Variants in SKAP1 observed in about 807,000 individuals in gnomAD.
SKAP1 encodes the protein src kinase-associated phosphoprotein 1.
SKAP1 carries 44 observed loss-of-function variants against 58.5 expected under a neutral mutation model. That is an observed-to-expected ratio of 0.75 (90% CI 0.59 to 0.97). The LOEUF is 0.97. Among genes scored for constraint, SKAP1 ranks in the 50% least tolerant of loss-of-function variants. The probability of loss-of-function intolerance (pLI) is 0.00; values close to 1 mark genes in which losing one functional copy is unlikely to be tolerated. For synonymous variants in SKAP1, 127 were observed against 149.7 expected (o/e 0.85, Z 1.11); for missense variants, 390 against 435.2 (o/e 0.90, Z 0.92).
At chr17:48,344,836 A>G (rs2066701487) in intron 4 of SKAP1, among the ~76,000 whole-genome samples, 1 of 152,232 alleles carries the variant, frequency 6.6e-6, no homozygotes, top group African/African-American at 2.4e-5. Context: ...ATGAATTGTC[A>G]AAAGGGCTAA....
At chr17:48,405,788 G>A (rs944958972) in intron 1 of SKAP1, among the ~76,000 whole-genome samples, 6 of 151,466 alleles carry the variant, frequency 4.0e-5, no homozygotes, top group African/African-American at 1.2e-4. Flanking sequence ...GTGAGCCACC[G>A]TGCCTGGCCC....
chr17:48,148,764 G>T (rs1188672223), intron 11 of SKAP1, among the ~76,000 whole-genome samples: 1 of 152,024 alleles, frequency 6.6e-6, no homozygotes, highest in Admixed American at 6.6e-5. Flanking sequence ...GGCGCAGGCC[G>T]GGAGATTTTT....
chr17:48,404,461 C>T (rs1047679190), intron 1 of SKAP1, among the ~76,000 whole-genome samples: 1 of 151,684 alleles, frequency 6.6e-6, no homozygotes, highest in East Asian at 1.9e-4. Flanking sequence ...GAAACAAAAC[C>T]AAAACAAAAA....
intron 2 of SKAP1, among the ~76,000 whole-genome samples, chr17:48,364,630 G>A (rs576343787): frequency 3.9e-5 from 6 of 152,178 alleles, no homozygotes; most frequent in South Asian, 2.1e-4. Flanking sequence ...AGCTAAGATC[G>A]CGCCATTGCA....
chr17:48,324,067 C>A (rs140166700), intron 4 of SKAP1, among the ~76,000 whole-genome samples: 7 of 151,980 alleles, frequency 4.6e-5, no homozygotes, highest in Non-Finnish European at 1.0e-4. Context: ...AACCAATGAC[C>A]TTTCATTTTA....
At chr17:48,412,756 A>T (rs1283019038) in intron 1 of SKAP1, among the ~76,000 whole-genome samples, 1 of 152,220 alleles carries the variant, frequency 6.6e-6, no homozygotes, top group African/African-American at 2.4e-5. Context: ...ATAGTTGTGC[A>T]TACTAAAATT....
intron 1 of SKAP1, among the ~76,000 whole-genome samples, chr17:48,429,164 A>G (rs1333217467): frequency 6.6e-6 from 1 of 152,228 alleles, no homozygotes; most frequent in African/African-American, 2.4e-5. Flanking sequence ...TTAGATGCCA[A>G]AAGGCTTAAT....
chr17:48,154,693 T>C (rs1457159804), intron 11 of SKAP1, among the ~76,000 whole-genome samples: 1 of 152,138 alleles, frequency 6.6e-6, no homozygotes, highest in African/African-American at 2.4e-5. Flanking sequence ...TTTGTCCTTA[T>C]CTTCTGAACA....
chr17:48,379,973 T>C (rs1431191284), intron 2 of SKAP1, among the ~76,000 whole-genome samples: 2 of 152,142 alleles, frequency 1.3e-5, no homozygotes, highest in Non-Finnish European at 1.5e-5. Context: ...TGAGCCACCG[T>C]GCCCGGCCTA....
At chr17:48,440,435 C>T in the SKAP1 span, among the ~76,000 whole-genome samples, 8,545 of 152,230 alleles carry the variant, frequency 0.056, 329 homozygotes, top group Non-Finnish European at 0.085. Flanking sequence ...GGCATCCTTG[C>T]GCAGTGTCCT....
intron 1 of SKAP1, among the ~76,000 whole-genome samples, chr17:48,423,989 G>T (rs1346150606): frequency 6.6e-6 from 1 of 151,338 alleles, no homozygotes; most frequent in Non-Finnish European, 1.5e-5. Flanking sequence ...TAACTTGAAG[G>T]CAAAAAAAAA....
upstream of SKAP1, chr17:48,430,256 C>A: frequency 1.7e-6 from 1 of 590,118 alleles, no homozygotes; most frequent in Non-Finnish European, 2.4e-6. Context: ...GGCCGCGGGG[C>A]GGGGCCGTGG....
chr17:48,370,287 C>T (rs2067066973), intron 2 of SKAP1, among the ~76,000 whole-genome samples: 1 of 151,976 alleles, frequency 6.6e-6, no homozygotes, highest in Admixed American at 6.6e-5. Context: ...CCATCTCACA[C>T]CAATCAGAAT....
chr17:48,229,121 T>G (rs1253045867), intron 4 of SKAP1, among the ~76,000 whole-genome samples: 2 of 152,154 alleles, frequency 1.3e-5, no homozygotes, highest in Non-Finnish European at 2.9e-5. Context: ...CTTAGCACCA[T>G]GTCTGACACA....
intron 2 of SKAP1, among the ~76,000 whole-genome samples, chr17:48,364,583 G>A (rs542842025): frequency 6.6e-6 from 1 of 152,252 alleles, no homozygotes; most frequent in Non-Finnish European, 1.5e-5. Flanking sequence ...GCTGAGGCAG[G>A]AGAATCGCTT....
At chr17:48,211,154 T>C (rs1468669299) in intron 4 of SKAP1, among the ~76,000 whole-genome samples, 1 of 152,104 alleles carries the variant, frequency 6.6e-6, no homozygotes, top group Non-Finnish European at 1.5e-5. Context: ...AGTTATGAAT[T>C]ATCTGGGCTG....
intron 1 of SKAP1, among the ~76,000 whole-genome samples, chr17:48,422,008 C>T (rs1482069138): frequency 1.3e-5 from 2 of 152,052 alleles, no homozygotes; most frequent in African/African-American, 2.4e-5. Context: ...GCCAAGAGAT[C>T]GAGACCATCC....
In SKAP1 at chr17:48,293,105, T is replaced by C. The variant is rs191581107; in HGVS notation, c.280+52800A>G. On this transcript the variant is annotated intron_variant, in intron 4 of 12. Coordinates refer to ENST00000336915, the MANE Select transcript of SKAP1 (RefSeq NM_003726.4). ...TTTGAGTTAGATTGTGAAATCTATG[T>C]AGTTTTCAATATAATATATTAATAT... Among the ~76,000 whole-genome samples the C allele has an allele frequency of 3.1e-3, 475 of 152,338 alleles. 2 individuals carry two copies. Among genetic ancestry groups the C allele is most frequent in the African/African-American group, 0.01 (434 of 41,588 alleles).
chr17:48,417,914 T>C (rs77255687), intron 1 of SKAP1, among the ~76,000 whole-genome samples: 3,169 of 152,220 alleles, frequency 0.021, 45 homozygotes, highest in Middle Eastern at 0.061. Context: ...GCAGTTTAAA[T>C]ATATATACAC....
Sources: allele counts gnomAD v4.1 joint callset (sites outside exome capture counted in the v4.1 genomes callset), GRCh38; gene constraint gnomAD v4.1.1; transcripts MANE v1.5; gene names NCBI Gene and HGNC (gene_info 2026-07-23, HGNC 2026-07-21).